Variants in BBS9 observed in about 807,000 individuals in gnomAD.
BBS9 encodes the protein protein PTHB1.
Under a neutral mutation model 117.7 loss-of-function variants are expected in BBS9, and 89 were observed. That is an observed-to-expected ratio of 0.76 (90% CI 0.64 to 0.90). The LOEUF is 0.90. Among genes scored for constraint, BBS9 ranks in the 40% least tolerant of loss-of-function variants. BBS9 has a pLI of 0.00. For synonymous variants in BBS9, 379 were observed against 370.9 expected (o/e 1.02, Z -0.25); for missense variants, 982 against 1,042.2 (o/e 0.94, Z 0.80).
At chr7:33,478,491 T>TG (rs1842091467) in intron 19 of BBS9, among the ~76,000 whole-genome samples, 1 of 152,196 alleles carries the variant, frequency 6.6e-6, no homozygotes, top group South Asian at 2.1e-4. Flanking sequence ...TAGTGGCTGA[T>TG]GTAAGGTGCA....
intron 19 of BBS9, among the ~76,000 whole-genome samples, chr7:33,434,443 A>G (rs1228450080): frequency 6.6e-6 from 1 of 152,144 alleles, no homozygotes; most frequent in African/African-American, 2.4e-5. Context: ...TTCTAGTGCT[A>G]AAAGCCACCT....
intron 5 of BBS9, among the ~76,000 whole-genome samples, chr7:33,236,450 A>T (rs1583800255): frequency 1.3e-5 from 2 of 151,642 alleles, no homozygotes; most frequent in African/African-American, 4.8e-5. Context: ...TTATATATTT[A>T]TTTATATACA....
At chr7:33,383,302 C>T (rs528513196) in intron 17 of BBS9, among the ~76,000 whole-genome samples, 188 of 152,238 alleles carry the variant, frequency 1.2e-3, no homozygotes, top group African/African-American at 4.4e-3. Context: ...TGAAATGATA[C>T]TAATGATAAC....
intron 19 of BBS9, among the ~76,000 whole-genome samples, chr7:33,433,938 T>C (rs896659539): frequency 2.6e-5 from 4 of 152,096 alleles, no homozygotes; most frequent in African/African-American, 9.7e-5. Flanking sequence ...AATAATAAAG[T>C]TCATGTTGTA....
chr7:33,354,123 G>A (rs139423565), intron 15 of BBS9, among the ~76,000 whole-genome samples: 1 of 152,156 alleles, frequency 6.6e-6, no homozygotes, highest in African/African-American at 2.4e-5. Flanking sequence ...AAATGGTAGT[G>A]TTTCAATACA....
rs145381603 is a variant in BBS9 at position 33,587,873 on chromosome 7, T to C, written c.2522-16992T>C. On this transcript the variant is annotated intron_variant, in intron 21 of 22. Transcript: ENST00000242067. ...GTCCAGTTGTTTATCTAATCTTTCA[T>C]TGGGCTTGCTTTTAAAAACACGTTT... Among the ~76,000 whole-genome samples, 417 of 152,230 alleles carry C rather than the reference T, an allele frequency of 2.7e-3. 3 individuals carry two copies. Among genetic ancestry groups the C allele is most frequent in the African/African-American group, 9.0e-3 (375 of 41,540 alleles).
chr7:33,518,013 A>T (rs992362138), intron 20 of BBS9, among the ~76,000 whole-genome samples: 9 of 152,164 alleles, frequency 5.9e-5, no homozygotes, highest in Non-Finnish European at 1.2e-4. Flanking sequence ...AACAAACTCA[A>T]GCTATATAAT....
At chr7:33,234,653 A>G (rs1793134983) in intron 5 of BBS9, among the ~76,000 whole-genome samples, 1 of 151,922 alleles carries the variant, frequency 6.6e-6, no homozygotes, top group African/African-American at 2.4e-5. Flanking sequence ...ATAGATATCT[A>G]TCTATATATC....
chr7:33,439,022 G>T (rs1835725195), intron 19 of BBS9, among the ~76,000 whole-genome samples: 1 of 152,136 alleles, frequency 6.6e-6, no homozygotes, highest in African/African-American at 2.4e-5. Context: ...AACACAGAGT[G>T]TTCAAGCTTT....
At chr7:33,137,741 T>C (rs1414820093) in intron 1 of BBS9, among the ~76,000 whole-genome samples, 3 of 152,228 alleles carry the variant, frequency 2.0e-5, no homozygotes, top group Non-Finnish European at 4.4e-5. Flanking sequence ...TTTTTTTCTA[T>C]TGTTCATTAA....
At chr7:33,625,964 T>C (rs1368714514) in intron 21 of BBS9, among the ~76,000 whole-genome samples, 1 of 152,186 alleles carries the variant, frequency 6.6e-6, no homozygotes, top group Non-Finnish European at 1.5e-5. Flanking sequence ...TTAACTAGAC[T>C]AGCTATGAAT....
rs750700235 is a variant in BBS9 at position 33,351,459 on chromosome 7, T to C, written c.1537+136T>C. The C allele has an allele frequency of 1.1e-5, 8 of 734,364 alleles. No individual in the cohort carries two copies. In the East Asian group the frequency reaches 1.9e-4, roughly 17 times the overall value. The allele number at this position is 734,364 out of a possible 1,614,324, so 45.5% of individuals were successfully genotyped here. On this transcript the variant is annotated intron_variant, in intron 14 of 22. Coordinates refer to ENST00000242067, the MANE Select transcript of BBS9 (RefSeq NM_198428.3). The stretch of plus-strand genomic sequence containing the variant: ...TATTTTCTACTGTTAAGTAAAATCA[T>C]GTTTTCATTACTTTTATGTGTTATG...
intron 9 of BBS9, among the ~76,000 whole-genome samples, chr7:33,294,110 C>G (rs565323872): frequency 6.6e-6 from 1 of 152,090 alleles, no homozygotes; most frequent in Non-Finnish European, 1.5e-5. Flanking sequence ...GAAGCCAGTA[C>G]AAATAATTTA....
At chr7:33,301,122 T>C (rs1806327569) in intron 9 of BBS9, among the ~76,000 whole-genome samples, 1 of 151,974 alleles carries the variant, frequency 6.6e-6, no homozygotes, top group Non-Finnish European at 1.5e-5. Context: ...TTACAATATA[T>C]ATGTGTGTAT....
rs1819838261 is a variant in BBS9 at position 33,357,591 on chromosome 7, A to T, written c.1553-264A>T. 2.0e-5 allele frequency: 10 copies of T among 493,000 alleles called. No homozygotes were observed. In the South Asian group the frequency reaches 2.1e-4, roughly 10 times the overall value. The allele number at this position is 493,000 out of a possible 1,614,324, so 30.5% of individuals were successfully genotyped here. On this transcript the variant is annotated intron_variant, in intron 15 of 22. Transcript: ENST00000242067. ...ATGTTTTATATAGTATCCAAATGTGATGATTTTAAAAATATGATACTATTA... is the reference window on the plus strand; with the variant it reads ...ATGTTTTATATAGTATCCAAATGTGTTGATTTTAAAAATATGATACTATTA...
chr7:33,319,537 C>T (rs1811245489), intron 9 of BBS9, among the ~76,000 whole-genome samples: 1 of 152,134 alleles, frequency 6.6e-6, no homozygotes, highest in African/African-American at 2.4e-5. Flanking sequence ...TCCCTTTTCA[C>T]CCCGTATATG....
chr7:33,403,257 C>T (rs1171059244), intron 19 of BBS9, among the ~76,000 whole-genome samples: 1 of 150,350 alleles, frequency 6.7e-6, no homozygotes, highest in Non-Finnish European at 1.5e-5. Context: ...TCTCCCCACT[C>T]TAATACTCCC....
Position 33,605,374 on chromosome 7 carries a change from G to A in BBS9, c.*148G>A. Reference sequence around the variant, plus strand: ...ATGACATGCATAGAAAGAGGGGTTGGGACTTTTTACTTCACTAGGAGAACT... The same window carrying A: ...ATGACATGCATAGAAAGAGGGGTTGAGACTTTTTACTTCACTAGGAGAACT... On this transcript the variant is annotated 3_prime_UTR_variant, in exon 23 of 23. Transcript: ENST00000242067. The A allele has an allele frequency of 2.4e-6, 2 of 833,408 alleles. No individual in the cohort carries two copies. Among genetic ancestry groups the A allele is most frequent in the East Asian group, 5.0e-5 (2 of 39,690 alleles). The allele number at this position is 833,408 out of a possible 1,614,324, so 51.6% of individuals were successfully genotyped here.
intron 21 of BBS9, among the ~76,000 whole-genome samples, chr7:33,535,644 A>G (rs1273180638): frequency 1.3e-5 from 2 of 152,220 alleles, no homozygotes; most frequent in African/African-American, 4.8e-5. Flanking sequence ...CCACTGTTAC[A>G]GGATTGTTTT....
Sources: allele counts gnomAD v4.1 joint callset (sites outside exome capture counted in the v4.1 genomes callset), GRCh38; gene constraint gnomAD v4.1.1; transcripts MANE v1.5; gene names NCBI Gene and HGNC (gene_info 2026-07-23, HGNC 2026-07-21).